HTR1E: variants seen among roughly 807,000 people sequenced by gnomAD.
HTR1E encodes 5-HT-1E.
HTR1E carries 3 observed loss-of-function variants against 3.4 expected under a neutral mutation model. The ratio of observed to expected loss-of-function variants is 0.89; its 90% CI spans 0.41 to 2.31. The LOEUF (loss-of-function observed/expected upper bound fraction) is 2.31. Ranked by LOEUF, HTR1E falls within the 30% of genes most tolerant of loss-of-function variation. The pLI, the probability that HTR1E is intolerant of heterozygous loss-of-function variation, is 0.05. For missense variants in HTR1E, 392 were observed against 467.0 expected (o/e 0.84, Z 1.48); for synonymous variants, 170 against 182.8 (o/e 0.93, Z 0.56).
At chr6:87,008,563 G>C (rs1209310171) in intron 1 of HTR1E, among the ~76,000 whole-genome samples, 1 of 152,152 alleles carries the variant, frequency 6.6e-6, no homozygotes, top group Non-Finnish European at 1.5e-5. Flanking sequence ...AATTAAAAAT[G>C]AACTGAGCAT....
intron 1 of HTR1E, among the ~76,000 whole-genome samples, chr6:87,004,597 A>G (rs6912133): frequency 0.015 from 2,318 of 152,306 alleles, 67 homozygotes; most frequent in African/African-American, 0.052. Flanking sequence ...ACATACCTCA[A>G]CACAATAAAA....
intron 1 of HTR1E, among the ~76,000 whole-genome samples, chr6:86,979,394 T>A (rs902652908): frequency 2.0e-5 from 3 of 152,210 alleles, no homozygotes; most frequent in Non-Finnish European, 4.4e-5. Flanking sequence ...TCAAAAACTA[T>A]TTCTGAAGGC....
intron 1 of HTR1E, among the ~76,000 whole-genome samples, chr6:86,958,146 C>T (rs935391136): frequency 1.3e-5 from 2 of 151,352 alleles, no homozygotes; most frequent in Non-Finnish European, 2.9e-5. Context: ...GCCAGCTCCG[C>T]CTCCTGGGTT....
chr6:86,941,734 A>G lies in HTR1E; in HGVS notation c.-186+3911A>G, dbSNP rs1178906461. Among the ~76,000 whole-genome samples the G allele has an allele frequency of 2.6e-5, 4 of 152,330 alleles. No individual in the cohort carries two copies. In the Middle Eastern group the frequency reaches 0.01, roughly 389 times the overall value. Reference sequence around the variant, plus strand: ...ATGAGAAGGAAAGCATTTTATAGCAAGAAGAAAATATTTTGAGAAATAGCT... The same window carrying G: ...ATGAGAAGGAAAGCATTTTATAGCAGGAAGAAAATATTTTGAGAAATAGCT... On this transcript the variant is annotated intron_variant, in intron 1 of 1. Transcript: ENST00000305344.
intron 1 of HTR1E, among the ~76,000 whole-genome samples, chr6:86,984,478 TACTCTA>T (rs1767755507): frequency 6.6e-6 from 1 of 152,200 alleles, no homozygotes; most frequent in African/African-American, 2.4e-5. Context: ...TTTAATACTG[TACTCTA>T]ACCAGCAGCA....
At chr6:86,967,464 A>T (rs1312909832) in intron 1 of HTR1E, among the ~76,000 whole-genome samples, 3 of 152,136 alleles carry the variant, frequency 2.0e-5, no homozygotes, top group African/African-American at 7.2e-5. Flanking sequence ...GTGTGATTCA[A>T]TGGAGAGAAA....
At chr6:86,958,784 C>T (rs1456461129) in intron 1 of HTR1E, among the ~76,000 whole-genome samples, 2 of 152,256 alleles carry the variant, frequency 1.3e-5, no homozygotes, top group East Asian at 3.9e-4. Context: ...ACATTTGTTT[C>T]AAGAGATCTA....
intron 1 of HTR1E, among the ~76,000 whole-genome samples, chr6:86,980,658 C>T (rs757608697): frequency 3.3e-5 from 5 of 152,130 alleles, no homozygotes; most frequent in Non-Finnish European, 7.3e-5. Flanking sequence ...TAAACAAATA[C>T]TTATTTTATA....
At chr6:86,947,707 AT>A (rs1056306645) in intron 1 of HTR1E, among the ~76,000 whole-genome samples, 3 of 152,128 alleles carry the variant, frequency 2.0e-5, no homozygotes, top group East Asian at 1.9e-4. Flanking sequence ...AATTAACATT[AT>A]TTTTTAAATG....
At chr6:86,965,327 T>C (rs2127821202) in intron 1 of HTR1E, among the ~76,000 whole-genome samples, 2 of 152,292 alleles carry the variant, frequency 1.3e-5, no homozygotes, top group Middle Eastern at 6.8e-3. Context: ...CCCCCGACTT[T>C]CTATGAGTTC....
chr6:87,012,751 G>C (rs1768256614), intron 1 of HTR1E, among the ~76,000 whole-genome samples: 1 of 152,140 alleles, frequency 6.6e-6, no homozygotes, highest in Non-Finnish European at 1.5e-5. Flanking sequence ...GCTTCTACGT[G>C]TATTAACACA....
In HTR1E at chr6:86,966,894, G is replaced by A. The variant is rs111341547; in HGVS notation, c.-186+29071G>A. Among the ~76,000 whole-genome samples the A allele has an allele frequency of 7.3e-3, 1,110 of 152,230 alleles. 13 individuals carry two copies. Among genetic ancestry groups the A allele is most frequent in the African/African-American group, 0.022 (928 of 41,520 alleles). ...TAAAGAATTTTTATTATTTTAAAGG[G>A]TTAATATTTTATTCAAGTTTATTGA... On this transcript the variant is annotated intron_variant, in intron 1 of 1. Coordinates refer to ENST00000305344, the MANE Select transcript of HTR1E (RefSeq NM_000865.3).
chr6:86,981,123 G>A (rs1474772406), intron 1 of HTR1E, among the ~76,000 whole-genome samples: 1 of 152,186 alleles, frequency 6.6e-6, no homozygotes, highest in Non-Finnish European at 1.5e-5. Flanking sequence ...AAGGAGTAAT[G>A]GGTTGAGGCA....
chr6:87,001,999 CAG>C (rs1276214370), intron 1 of HTR1E, among the ~76,000 whole-genome samples: 1 of 152,082 alleles, frequency 6.6e-6, no homozygotes, highest in Non-Finnish European at 1.5e-5. Context: ...GATTTCAAAA[CAG>C]AAACTATAAG....
At chr6:86,993,399 C>G (rs912254079) in intron 1 of HTR1E, among the ~76,000 whole-genome samples, 1 of 152,038 alleles carries the variant, frequency 6.6e-6, no homozygotes, top group Non-Finnish European at 1.5e-5. Context: ...AAACTAAATG[C>G]CTTCAGCAGC....
In HTR1E at chr6:87,013,915, A is replaced by G. The variant is rs1768276478; in HGVS notation, c.-185-1235A>G. Among the ~76,000 whole-genome samples the G allele has an allele frequency of 2.6e-5, 4 of 152,338 alleles. No individual in the cohort carries two copies. The South Asian group carries it at 8.3e-4, about 32-fold the overall frequency. ...AAAAGCTCATCATCACTGTCATTAG[A>G]GAAATGCAAATCAAAACCACAATGA... is the stretch of plus-strand genomic sequence containing the variant. On this transcript the variant is annotated intron_variant, in intron 1 of 1. Transcript: ENST00000305344.
intron 1 of HTR1E, among the ~76,000 whole-genome samples, chr6:86,942,020 G>T (rs1410906355): frequency 6.6e-6 from 1 of 152,166 alleles, no homozygotes; most frequent in Non-Finnish European, 1.5e-5. Context: ...AAGAATAAGA[G>T]AACCCAGTAA....
intron 1 of HTR1E, among the ~76,000 whole-genome samples, chr6:86,972,464 T>A (rs1045675255): frequency 2.6e-5 from 4 of 152,176 alleles, no homozygotes; most frequent in Admixed American, 6.5e-5. Flanking sequence ...AATATTGTTG[T>A]ATGGGGCAGT....
At chr6:86,957,761 G>A (rs1767346565) in intron 1 of HTR1E, among the ~76,000 whole-genome samples, 1 of 152,270 alleles carries the variant, frequency 6.6e-6, no homozygotes, top group Middle Eastern at 3.4e-3. Context: ...AGGTTTCAAA[G>A]ATATTGTTAA....
Sources: gnomAD v4.1 joint callset for allele counts (sites outside exome capture counted in the v4.1 genomes callset) on GRCh38, gnomAD v4.1.1 for gene constraint, MANE v1.5 for transcripts, NCBI Gene and HGNC (gene_info 2026-07-23, HGNC 2026-07-21) for gene names.